The following TENM2 variants were observed in gnomAD, a reference collection of about 807,000 sequenced individuals.
The protein encoded by TENM2 is teneurin-2.
Under a neutral mutation model 245.2 loss-of-function variants are expected in TENM2, and 52 were observed. That is an observed-to-expected ratio of 0.21 (90% CI 0.17 to 0.27). TENM2 has a LOEUF of 0.27. TENM2 is among the 10% of genes least tolerant of loss of function. The probability of loss-of-function intolerance (pLI) is 1.00; values close to 1 mark genes in which losing one functional copy is unlikely to be tolerated. For synonymous variants in TENM2, 1,363 were observed against 1,438.9 expected (o/e 0.95, Z 1.19); for missense variants, 3,046 against 3,666.8 (o/e 0.83, Z 4.37).
chr5:167,420,766 C>T (rs1179748665), intron 2 of TENM2, among the ~76,000 whole-genome samples: 4 of 152,142 alleles, frequency 2.6e-5, no homozygotes, highest in Non-Finnish European at 4.4e-5. Flanking sequence ...AATTTACTCC[C>T]CTATCACAAT....
At position 167,444,247 on chromosome 5, in the gene TENM2, T is replaced by C. The variant is rs372430916; in HGVS notation, c.502+68774T>C. Among the ~76,000 whole-genome samples the C allele has an allele frequency of 3.2e-3, 492 of 151,554 alleles. 26 individuals are homozygous for C. The South Asian group carries it at 0.099, about 30-fold the overall frequency. ...TTCTACACTTCCAATATCCAGTAGA[T>C]ATGTCTCAAAGTCATACACATTTGC... On this transcript the variant is annotated intron_variant, in intron 2 of 28. Transcript: ENST00000518659.
intron 3 of TENM2, among the ~76,000 whole-genome samples, chr5:167,898,517 G>C (rs1425757603): frequency 6.6e-6 from 1 of 152,176 alleles, no homozygotes; most frequent in Non-Finnish European, 1.5e-5. Context: ...ATGTAATAGG[G>C]CCAGGCAGCA....
intron 2 of TENM2, among the ~76,000 whole-genome samples, chr5:167,847,499 T>C (rs1770157549): frequency 6.6e-6 from 1 of 152,226 alleles, no homozygotes; most frequent in Admixed American, 6.5e-5. Context: ...GCCAACCTCC[T>C]TGCACAGGAC....
chr5:167,876,131 G>A, exon 3 of TENM2: 1 of 1,551,524 alleles, frequency 6.4e-7, no homozygotes, highest in Non-Finnish European at 8.7e-7. Flanking sequence ...ACCCTGATGA[G>A]GAATTCTCCC....
intron 3 of TENM2, among the ~76,000 whole-genome samples, chr5:167,929,078 AAAGAAAGAAAG>A (rs1561945755): frequency 2.1e-5 from 2 of 94,180 alleles, no homozygotes; most frequent in African/African-American, 9.7e-5. Context: ...AGAAAGAAAG[AAAGAAAGAAAG>A]AAAGAAAGAA....
At chr5:167,461,419 A>C (rs78535725) in intron 2 of TENM2, among the ~76,000 whole-genome samples, 3,490 of 152,228 alleles carry the variant, frequency 0.023, 96 homozygotes, top group African/African-American at 0.069. Flanking sequence ...CTCTTCTAGC[A>C]CTTAGTGCAC....
chr5:167,753,712 T>A (rs1762106557), intron 2 of TENM2, among the ~76,000 whole-genome samples: 1 of 152,208 alleles, frequency 6.6e-6, no homozygotes, highest in Non-Finnish European at 1.5e-5. Context: ...ATCGTCAATT[T>A]GGGAGGCTTA....
the TENM2 span, among the ~76,000 whole-genome samples, chr5:167,271,618 G>C: frequency 2.0e-5 from 3 of 152,018 alleles, no homozygotes; most frequent in Non-Finnish European, 2.9e-5. Flanking sequence ...TGTTGATTTG[G>C]ACTGCTAGTA....
At chr5:167,613,714 T>G (rs1777612958) in intron 2 of TENM2, among the ~76,000 whole-genome samples, 1 of 152,080 alleles carries the variant, frequency 6.6e-6, no homozygotes, top group Non-Finnish European at 1.5e-5. Context: ...AACATATACA[T>G]CCTCCTGTTT....
At chr5:167,582,337 C>T (rs1775149040) in intron 2 of TENM2, among the ~76,000 whole-genome samples, 1 of 152,048 alleles carries the variant, frequency 6.6e-6, no homozygotes, top group African/African-American at 2.4e-5. Flanking sequence ...ATGAAATAGG[C>T]TTATGTGACA....
chr5:168,096,657 A>G (rs1187239418), intron 8 of TENM2, among the ~76,000 whole-genome samples: 1 of 152,218 alleles, frequency 6.6e-6, no homozygotes, highest in Admixed American at 6.5e-5. Context: ...TTTAAAGGCA[A>G]CACATCCTTT....
chr5:168,056,660 T>C (rs11134486), intron 6 of TENM2, among the ~76,000 whole-genome samples: 27,269 of 152,178 alleles, frequency 0.18, 2,511 homozygotes, highest in Middle Eastern at 0.27. Context: ...TAGCATACAG[T>C]AATGTCCTAG....
chr5:167,549,507 A>G (rs1772791441), intron 2 of TENM2, among the ~76,000 whole-genome samples: 1 of 152,222 alleles, frequency 6.6e-6, no homozygotes, highest in Admixed American at 6.5e-5. Context: ...TCTTGTAACT[A>G]TTAGATTTCT....
At chr5:167,785,953 T>C (rs1764550500) in intron 2 of TENM2, among the ~76,000 whole-genome samples, 1 of 152,154 alleles carries the variant, frequency 6.6e-6, no homozygotes, top group Non-Finnish European at 1.5e-5. Context: ...AAATGAAACA[T>C]ATTTATGGGT....
intron 25 of TENM2, among the ~76,000 whole-genome samples, chr5:168,229,229 A>AATAATTACCTGTCCAAGGACACG (rs1764597928): frequency 6.6e-6 from 1 of 151,836 alleles, no homozygotes; most frequent in Non-Finnish European, 1.5e-5. Context: ...CCAAGGACAC[A>AATAATTACCTGTCCAAGGACACG]ATAGCTAGAA....
chr5:167,202,156 TA>T, the TENM2 span, among the ~76,000 whole-genome samples: 4 of 152,298 alleles, frequency 2.6e-5, no homozygotes, highest in African/African-American at 9.6e-5. Flanking sequence ...ACAATTCTCT[TA>T]AAAATTTCTT....
At chr5:167,250,762 G>T in the TENM2 span, among the ~76,000 whole-genome samples, 9 of 152,108 alleles carry the variant, frequency 5.9e-5, no homozygotes, top group Non-Finnish European at 1.3e-4. Flanking sequence ...CCTATGATTT[G>T]ATTGTCATAT....
chr5:167,674,047 T>A (rs1415722151), intron 2 of TENM2, among the ~76,000 whole-genome samples: 1 of 152,144 alleles, frequency 6.6e-6, no homozygotes, highest in African/African-American at 2.4e-5. Flanking sequence ...TGTAATGATG[T>A]CATTAAACTC....
At chr5:167,576,928 C>T (rs757440710) in intron 2 of TENM2, among the ~76,000 whole-genome samples, 7 of 152,146 alleles carry the variant, frequency 4.6e-5, no homozygotes, top group Non-Finnish European at 7.4e-5. Flanking sequence ...ATAGGATTTT[C>T]CTCAGAATAG....
Sources: gnomAD v4.1 joint callset for allele counts (sites outside exome capture counted in the v4.1 genomes callset) on GRCh38, gnomAD v4.1.1 for gene constraint, MANE v1.5 for transcripts, NCBI Gene and HGNC (gene_info 2026-07-23, HGNC 2026-07-21) for gene names.